Variants in LPCAT3 observed in about 807,000 individuals in gnomAD.
LPCAT3 encodes the protein lysophosphatidylcholine acyltransferase 3.
In LPCAT3, 21 loss-of-function variants were observed where a neutral mutation model predicts 63.4. The observed-to-expected ratio is 0.33, with a 90% CI of 0.23 to 0.48. The LOEUF (loss-of-function observed/expected upper bound fraction) is 0.48. LPCAT3 is among the 20% of genes least tolerant of loss of function. LPCAT3 has a pLI of 0.99. For missense variants in LPCAT3, 451 were observed against 590.6 expected (o/e 0.76, Z 2.45); for synonymous variants, 242 against 227.5 (o/e 1.06, Z -0.58).
intron 1 of LPCAT3, among the ~76,000 whole-genome samples, chr12:6,998,185 T>C (rs781878910): frequency 1.3e-5 from 2 of 152,232 alleles, no homozygotes; most frequent in Admixed American, 6.5e-5. Flanking sequence ...TCAGATAATT[T>C]TAAAATTTTT....
At chr12:7,000,906 A>C (rs782104811) in intron 1 of LPCAT3, among the ~76,000 whole-genome samples, 1 of 151,802 alleles carries the variant, frequency 6.6e-6, no homozygotes, top group African/African-American at 2.4e-5. Context: ...ACGGGGTTTC[A>C]CCGTGTTAGC....
intron 1 of LPCAT3, among the ~76,000 whole-genome samples, chr12:6,985,484 T>G (rs369687670): frequency 6.6e-6 from 1 of 151,652 alleles, no homozygotes; most frequent in South Asian, 2.1e-4. Context: ...GAGGCTGAGG[T>G]GGGTGGATCA....
chr12:6,992,872 C>T (rs1555155664), intron 1 of LPCAT3, among the ~76,000 whole-genome samples: 8 of 152,186 alleles, frequency 5.3e-5, no homozygotes. Context: ...TTGCATGTAA[C>T]CTATGCACAT....
intron 9 of LPCAT3, 173 bp downstream of exon 9, chr12:6,978,168 A>G (rs1946430783): frequency 1.4e-6 from 1 of 702,266 alleles, no homozygotes; most frequent in Admixed American, 2.9e-5. Context: ...ATATGACAGT[A>G]ATGGTTTTTT....
chr12:7,016,291 T>G (rs1555157613), intron 1 of LPCAT3, among the ~76,000 whole-genome samples: 1 of 151,294 alleles, frequency 6.6e-6, no homozygotes, highest in Non-Finnish European at 1.5e-5. Context: ...TTTTTTTTTT[T>G]TTGGAGACAG....
chr12:7,017,527 G>A lies in LPCAT3; in HGVS notation c.151+747C>T, dbSNP rs1555157710. On this transcript the variant is annotated intron_variant, in intron 1 of 12. Coordinates refer to ENST00000261407, the MANE Select transcript of LPCAT3 (RefSeq NM_005768.6). The surrounding 1 kb of genome is among the most constrained non-coding windows in gnomAD (Gnocchi z 4.1). ...TATTAAACCATGGAGTGAGGATGCG[G>A]TAAAAAAGCCTATAAACCAGTTGTA... Among the ~76,000 whole-genome samples, 1 of 152,132 alleles carries A rather than the reference G, an allele frequency of 6.6e-6. No homozygotes were observed. Among genetic ancestry groups the A allele is most frequent in the African/African-American group, 2.4e-5 (1 of 41,428 alleles).
chr12:7,014,729 T>C lies in LPCAT3; in HGVS notation c.151+3545A>G, dbSNP rs1358521117. 3.3e-5 allele frequency among the ~76,000 whole-genome samples: 5 copies of C among 152,080 alleles called. No individual in the cohort carries two copies. The East Asian group carries it at 9.7e-4, about 29-fold the overall frequency. On this transcript the variant is annotated intron_variant, in intron 1 of 12. Coordinates refer to ENST00000261407, the MANE Select transcript of LPCAT3 (RefSeq NM_005768.6). ...AGCCAACATGGTGAAACCCCGTCTC[T>C]ACTAAAAACACAAAAATTAGCCGGG...
At chr12:6,997,663 C>T (rs782596416) in intron 1 of LPCAT3, among the ~76,000 whole-genome samples, 20 of 149,778 alleles carry the variant, frequency 1.3e-4, no homozygotes, top group Non-Finnish European at 2.8e-4. Flanking sequence ...CTCGGCTCAC[C>T]GTAACCTCTG....
chr12:6,981,534 A>G (rs1946470980), intron 5 of LPCAT3, 61 bp downstream of exon 5: 1 of 1,560,020 alleles, frequency 6.4e-7, no homozygotes, highest in Admixed American at 1.7e-5. Context: ...TCTTTTGTTA[A>G]CAACTTTTTT....
At chr12:7,005,172 A>G (rs782076681) in intron 1 of LPCAT3, among the ~76,000 whole-genome samples, 5 of 152,348 alleles carry the variant, frequency 3.3e-5, no homozygotes, top group Admixed American at 3.3e-4. Flanking sequence ...TGGGTATTTC[A>G]TATAAATGGA....
intron 1 of LPCAT3, among the ~76,000 whole-genome samples, chr12:6,993,700 T>G (rs1275406788): frequency 6.6e-6 from 1 of 152,256 alleles, no homozygotes; most frequent in Non-Finnish European, 1.5e-5. Flanking sequence ...ATCCATGTTG[T>G]AGCATGTATC....
intron 1 of LPCAT3, among the ~76,000 whole-genome samples, chr12:7,007,417 C>T (rs1203822609): frequency 2.0e-5 from 3 of 151,596 alleles, no homozygotes; most frequent in South Asian, 2.1e-4. Context: ...CAGATATGAC[C>T]GTGTACAGTT....
chr12:7,004,268 G>A (rs1384579744), intron 1 of LPCAT3, among the ~76,000 whole-genome samples: 1 of 152,132 alleles, frequency 6.6e-6, no homozygotes, highest in Non-Finnish European at 1.5e-5. Context: ...CCGGGGCAGA[G>A]AACAACAGCG....
intron 1 of LPCAT3, among the ~76,000 whole-genome samples, chr12:7,005,973 A>G (rs1338946583): frequency 6.6e-6 from 1 of 152,174 alleles, no homozygotes; most frequent in African/African-American, 2.4e-5. Context: ...TTTCTATGTC[A>G]GCATCTCAAT....
Position 6,978,480 on chromosome 12 carries a change from C to G in LPCAT3, c.901G>C (p.Gly301Arg). ...CCCTTTTCTTCAAAGCCATTGAAGC[C>G]CAGGCCCGTCAAAATGCATACTCCT... ...TEGVCILTGL[G>R]FNGFEEKGKA... The change falls in exon 9 of 13, where the codon GGC becomes CGC. Residue 301 changes from glycine to arginine, a missense_variant. Transcript: ENST00000261407. 6.2e-7 allele frequency: 1 copy of G among 1,613,798 alleles called. No individual in the cohort carries two copies. The highest frequency in any genetic ancestry group is 8.5e-7 in the Non-Finnish European group (1 of 1,179,758).
chr12:6,986,554 G>GAGGT (rs1946527823), intron 1 of LPCAT3, among the ~76,000 whole-genome samples: 18 of 151,984 alleles, frequency 1.2e-4, no homozygotes, highest in African/African-American at 4.4e-4. Flanking sequence ...GGAGGCTGAA[G>GAGGT]CAGGTGGATC....
intron 1 of LPCAT3, 94 bp from the exon 2 acceptor site, chr12:6,983,633 G>C (rs1316878521): frequency 2.0e-5 from 15 of 749,838 alleles, no homozygotes; most frequent in Non-Finnish European, 3.2e-5. Context: ...GCAGCCCAGA[G>C]GGAGAGAGAA....
chr12:7,009,381 C>A (rs1314120304), intron 1 of LPCAT3, among the ~76,000 whole-genome samples: 1 of 152,180 alleles, frequency 6.6e-6, no homozygotes, highest in Non-Finnish European at 1.5e-5. Context: ...CAAAAAGGTA[C>A]TATCAGGACA....
In LPCAT3 at chr12:6,977,778, A is replaced by C; in HGVS notation, c.1041-33T>G. The C allele has an allele frequency of 6.2e-7, 1 of 1,612,732 alleles. No individual in the cohort carries two copies. Among genetic ancestry groups the C allele is most frequent in the Non-Finnish European group, 8.5e-7 (1 of 1,179,466 alleles). On this transcript the variant is annotated intron_variant, in intron 9 of 12. Transcript: ENST00000261407. This position sits in a 1 kb window ranked among gnomAD's most constrained non-coding sequence, Gnocchi z 4.5. The stretch of plus-strand genomic sequence containing the variant: ...AAAGGGTGGGTGGGGCGACCCTCAA[A>C]CTGACTGGTCCTTGCATCCCGCCAC...
Sources: allele counts gnomAD v4.1 joint callset (sites outside exome capture counted in the v4.1 genomes callset), GRCh38; gene constraint gnomAD v4.1.1; non-coding constraint Gnocchi (gnomAD v3.1); transcripts MANE v1.5; gene names NCBI Gene and HGNC (gene_info 2026-07-23, HGNC 2026-07-21).